Variants in IL1RAPL1 observed in about 807,000 individuals in gnomAD.
The protein encoded by IL1RAPL1 is interleukin 1 receptor accessory protein like 1, also known as interleukin-1 receptor accessory protein-like 1.
In IL1RAPL1, 3 loss-of-function variants were observed where a neutral mutation model predicts 48.4. That is an observed-to-expected ratio of 0.06 (90% CI 0.03 to 0.16). IL1RAPL1 has a LOEUF of 0.16. Ranked by LOEUF, IL1RAPL1 falls within the 10% of genes least tolerant of loss-of-function variation. IL1RAPL1 has a pLI of 1.00. For missense variants in IL1RAPL1, 349 were observed against 530.6 expected (o/e 0.66, Z 3.36); for synonymous variants, 185 against 187.7 (o/e 0.99, Z 0.12).
At chrX:29,761,271 C>T in intron 6 of IL1RAPL1, among the ~76,000 whole-genome samples, 1 of 111,870 alleles carries the variant, frequency 8.9e-6, no homozygotes, top group Non-Finnish European at 1.9e-5. Flanking sequence ...ACTTCTCCAT[C>T]TTTCCAAACA....
chrX:29,812,879 A>G (rs913525285), intron 6 of IL1RAPL1, among the ~76,000 whole-genome samples: 1 of 111,366 alleles, frequency 9.0e-6, no homozygotes, highest in Non-Finnish European at 1.9e-5. Flanking sequence ...TCATAGATAT[A>G]ACCTTACCAA....
chrX:29,031,609 T>C (rs1298839735), intron 2 of IL1RAPL1, among the ~76,000 whole-genome samples: 3 of 112,152 alleles, frequency 2.7e-5, no homozygotes, highest in African/African-American at 9.7e-5. Flanking sequence ...CAGAGCTCTT[T>C]CTTGTTATTC....
At chrX:29,352,792 T>C (rs1933250370) in intron 3 of IL1RAPL1, among the ~76,000 whole-genome samples, 1 of 110,306 alleles carries the variant, frequency 9.1e-6, no homozygotes, top group East Asian at 2.8e-4. Context: ...TTGATAACTT[T>C]AGAAAAAAAA....
chrX:29,112,769 G>C (rs1246616169), intron 2 of IL1RAPL1, among the ~76,000 whole-genome samples: 2 of 107,502 alleles, frequency 1.9e-5, no homozygotes, highest in South Asian at 4.2e-4. Context: ...AAGAAGAAAG[G>C]GTAGAGAAGG....
chrX:29,002,821 G>A (rs184149730), intron 2 of IL1RAPL1, among the ~76,000 whole-genome samples: 1 of 110,487 alleles, frequency 9.1e-6, no homozygotes, highest in East Asian at 2.8e-4. Context: ...TTGTGGGGGT[G>A]GGGATAGTAC....
At chrX:29,627,119 C>A (rs1247263594) in intron 5 of IL1RAPL1, among the ~76,000 whole-genome samples, 1 of 111,858 alleles carries the variant, frequency 8.9e-6, no homozygotes. Context: ...TGAATAAATA[C>A]AAAAGTGAAT....
intron 5 of IL1RAPL1, among the ~76,000 whole-genome samples, chrX:29,497,389 C>A (rs1460856515): frequency 2.7e-5 from 3 of 111,375 alleles, no homozygotes; most frequent in African/African-American, 9.8e-5. Flanking sequence ...GAATTGCTAC[C>A]TCCTAAATTT....
At chrX:29,812,875 A>AT (rs1165570907) in intron 6 of IL1RAPL1, among the ~76,000 whole-genome samples, 1 of 111,279 alleles carries the variant, frequency 9.0e-6, no homozygotes, top group African/African-American at 3.3e-5. Context: ...ATATTCATAG[A>AT]TATAACCTTA....
At chrX:28,990,591 T>C (rs1422062726) in intron 2 of IL1RAPL1, among the ~76,000 whole-genome samples, 7 of 111,884 alleles carry the variant, frequency 6.3e-5, no homozygotes, top group Non-Finnish European at 1.1e-4. Context: ...GCCGAAGATA[T>C]ATACCATCAG....
intron 5 of IL1RAPL1, among the ~76,000 whole-genome samples, chrX:29,663,633 C>T (rs1220280647): frequency 2.7e-5 from 3 of 111,776 alleles, no homozygotes; most frequent in Non-Finnish European, 5.6e-5. Flanking sequence ...CTGTACATTG[C>T]CTTGCATATT....
At chrX:29,588,956 C>T in intron 5 of IL1RAPL1, among the ~76,000 whole-genome samples, 1 of 111,938 alleles carries the variant, frequency 8.9e-6, no homozygotes, top group Non-Finnish European at 1.9e-5. Context: ...GACAGGTACA[C>T]TGAGGATACC....
chrX:28,849,138 T>G (rs893570864), intron 2 of IL1RAPL1, among the ~76,000 whole-genome samples: 19 of 60,489 alleles, frequency 3.1e-4, no homozygotes, highest in Non-Finnish European at 4.5e-4. Context: ...TACAAGGCAA[T>G]TAAAAAAAAA....
At chrX:28,904,506 T>C (rs1279059101) in intron 2 of IL1RAPL1, among the ~76,000 whole-genome samples, 1 of 112,246 alleles carries the variant, frequency 8.9e-6, no homozygotes, top group East Asian at 2.8e-4. Context: ...TATTATCACA[T>C]TCTTAAGGTT....
chrX:29,183,451 T>TG (rs1461640344), intron 2 of IL1RAPL1, among the ~76,000 whole-genome samples: 1 of 111,720 alleles, frequency 9.0e-6, no homozygotes, highest in Non-Finnish European at 1.9e-5. Flanking sequence ...TGGTCTCCTA[T>TG]GTTTCTGTGG....
At chrX:29,907,850 A>T (rs777902934) in intron 6 of IL1RAPL1, among the ~76,000 whole-genome samples, 2 of 109,568 alleles carry the variant, frequency 1.8e-5, no homozygotes, top group African/African-American at 6.7e-5. Flanking sequence ...GATTTGTTTA[A>T]TTGTTTATTG....
intron 1 of IL1RAPL1, among the ~76,000 whole-genome samples, chrX:28,754,065 A>G (rs1229522323): frequency 9.0e-6 from 1 of 110,508 alleles, no homozygotes; most frequent in Non-Finnish European, 1.9e-5. Flanking sequence ...ATTTTTTTTT[A>G]ATCTTGTAAA....
At chrX:29,589,895 G>A (rs1434225072) in intron 5 of IL1RAPL1, among the ~76,000 whole-genome samples, 2 of 111,061 alleles carry the variant, frequency 1.8e-5, no homozygotes, top group East Asian at 5.7e-4. Flanking sequence ...CTCGGCTTCT[G>A]GGGAAGCCTC....
chrX:29,664,602 A>G (rs1035476646), intron 5 of IL1RAPL1, among the ~76,000 whole-genome samples: 1 of 111,607 alleles, frequency 9.0e-6, no homozygotes, highest in South Asian at 3.7e-4. Flanking sequence ...ACAGAGAAAG[A>G]TACATGTATT....
chrX:29,312,027 G>A (rs750084315), intron 3 of IL1RAPL1, among the ~76,000 whole-genome samples: 2 of 112,026 alleles, frequency 1.8e-5, no homozygotes, highest in Non-Finnish European at 3.8e-5. Flanking sequence ...ACACAGTCTG[G>A]TAAGTTCTAA....
Sources: gnomAD v4.1 joint callset for allele counts (sites outside exome capture counted in the v4.1 genomes callset) on GRCh38, gnomAD v4.1.1 for gene constraint, MANE v1.5 for transcripts, NCBI Gene and HGNC (gene_info 2026-07-23, HGNC 2026-07-21) for gene names.